OCA2: variants seen among roughly 807,000 people sequenced by gnomAD.
The protein encoded by OCA2 is OCA2 melanosomal transmembrane protein.
OCA2 carries 77 observed loss-of-function variants against 100.2 expected under a neutral mutation model. The ratio of observed to expected loss-of-function variants is 0.77; its 90% CI spans 0.64 to 0.93. The LOEUF (loss-of-function observed/expected upper bound fraction) is 0.93, where lower values mean the gene tolerates loss of function less well. Ranked by LOEUF, OCA2 falls within the 40% of genes least tolerant of loss-of-function variation. The pLI is 0.00. For missense variants in OCA2, 1,062 were observed against 1,089.1 expected (o/e 0.98, Z 0.35); for synonymous variants, 432 against 439.2 (o/e 0.98, Z 0.21).
chr15:27,888,922 C>T (rs1028463190), intron 19 of OCA2, among the ~76,000 whole-genome samples: 8 of 152,046 alleles, frequency 5.3e-5, no homozygotes, highest in African/African-American at 1.9e-4. Flanking sequence ...AGACCTGGTG[C>T]CTTCCCTCAT....
At chr15:27,925,597 T>C (rs2039014865) in intron 19 of OCA2, among the ~76,000 whole-genome samples, 1 of 152,166 alleles carries the variant, frequency 6.6e-6, no homozygotes, top group African/African-American at 2.4e-5. Context: ...GGGGGCATGG[T>C]TTGAGGAGTA....
chr15:27,814,291 T>C (rs1458698890), intron 23 of OCA2, among the ~76,000 whole-genome samples: 1 of 152,126 alleles, frequency 6.6e-6, no homozygotes, highest in Non-Finnish European at 1.5e-5. Context: ...TGAAAAATAT[T>C]GAATAAGATA....
chr15:27,971,655 C>G (rs990368907), intron 14 of OCA2, among the ~76,000 whole-genome samples: 2 of 152,130 alleles, frequency 1.3e-5, no homozygotes, highest in Non-Finnish European at 2.9e-5. Context: ...ACCTAAGCCT[C>G]GTGCAGCAAT....
At chr15:27,797,345 TTTATA>T (rs2033387859) in intron 23 of OCA2, among the ~76,000 whole-genome samples, 1 of 152,020 alleles carries the variant, frequency 6.6e-6, no homozygotes, top group Non-Finnish European at 1.5e-5. Context: ...GGGGGCTGAT[TTTATA>T]GAGCACAAAC....
intron 16 of OCA2, 143 bp from the exon 17 acceptor site, chr15:27,955,358 G>T (rs1053188962): frequency 1.4e-6 from 1 of 725,118 alleles, no homozygotes. Flanking sequence ...GGGGGCCGGT[G>T]GGGCTTCATT....
At chr15:27,900,461 T>C (rs899295216) in intron 19 of OCA2, among the ~76,000 whole-genome samples, 2 of 152,216 alleles carry the variant, frequency 1.3e-5, no homozygotes, top group African/African-American at 4.8e-5. Context: ...TCTCAGGGTG[T>C]ACTGCCTATT....
chr15:27,920,497 A>C (rs557949993), intron 19 of OCA2, among the ~76,000 whole-genome samples: 6 of 152,314 alleles, frequency 3.9e-5, no homozygotes, highest in Admixed American at 3.9e-4. Flanking sequence ...TACAAAAATT[A>C]TAAGATATGC....
intron 21 of OCA2, among the ~76,000 whole-genome samples, chr15:27,861,429 G>A (rs370417947): frequency 1.3e-5 from 2 of 152,124 alleles, no homozygotes; most frequent in Non-Finnish European, 2.9e-5. Context: ...ATGGCACTTG[G>A]AGTAAGTGTT....
At chr15:27,937,696 AT>A (rs1377626244) in intron 18 of OCA2, among the ~76,000 whole-genome samples, 21 of 152,314 alleles carry the variant, frequency 1.4e-4, no homozygotes, top group Admixed American at 1.4e-3. Context: ...ACTTTCAGTA[AT>A]TTCAATATCT....
chr15:27,983,601 A>C (rs2041243858), intron 13 of OCA2, 118 bp from the exon 14 acceptor site: 8 of 1,061,202 alleles, frequency 7.5e-6, no homozygotes, highest in Middle Eastern at 2.4e-4. Flanking sequence ...ACACACACAC[A>C]CCCCTGTGGG....
chr15:28,096,749 A>T (rs1470016753), intron 1 of OCA2, among the ~76,000 whole-genome samples: 1 of 152,064 alleles, frequency 6.6e-6, no homozygotes, highest in East Asian at 1.9e-4. Flanking sequence ...TTGAAAGAGT[A>T]CGCCTCCTTC....
rs985682505 is a variant in OCA2 at position 27,957,540 on chromosome 15, T to A, written c.1784+48A>T. 1 of 1,607,260 alleles carries A rather than the reference T, an allele frequency of 6.2e-7. No individual in the cohort carries two copies. Among genetic ancestry groups the A allele is most frequent in the African/African-American group, 1.3e-5 (1 of 74,782 alleles). On this transcript the variant is annotated intron_variant, in intron 16 of 23. Coordinates refer to ENST00000354638, the MANE Select transcript of OCA2 (RefSeq NM_000275.3). This position sits in a 1 kb window ranked among gnomAD's most constrained non-coding sequence, Gnocchi z 4.3. ...GTCGCTATTTTGTAGGCCCATGGAA[T>A]GTTCTGCTGCACACCAAGCACAGTC...
chr15:27,814,960 A>G (rs1228727808), intron 23 of OCA2, among the ~76,000 whole-genome samples: 1 of 151,868 alleles, frequency 6.6e-6, no homozygotes, highest in Non-Finnish European at 1.5e-5. Context: ...AGATATATAT[A>G]TATATATCTT....
At chr15:28,095,119 A>G (rs2044949417) in intron 1 of OCA2, among the ~76,000 whole-genome samples, 1 of 152,238 alleles carries the variant, frequency 6.6e-6, no homozygotes, top group African/African-American at 2.4e-5. Flanking sequence ...GCCCAGGTCC[A>G]GGCAGCCCCG....
rs778045887 is a variant in OCA2, at chr15:27,983,483, C to T, written c.1365G>A (p.Arg455=). The change falls in exon 14 of 24, where the codon AGG becomes AGA. Residue 455 remains arginine (R), a splice_region_variant and synonymous_variant. Coordinates refer to ENST00000354638, the MANE Select transcript of OCA2 (RefSeq NM_000275.3). ...TMLLFTPVTI[R]LCEVLNLDPR... ...GATCAAGGTTGAGCACCTCACACAA[C>T]CTGTCACAAATGGAGGAAAATGAAA... is the stretch of plus-strand genomic sequence containing the variant. 1.9e-6 allele frequency: 3 copies of T among 1,614,102 alleles called. No individual in the cohort carries two copies. Among genetic ancestry groups the T allele is most frequent in the Admixed American group, 1.7e-5 (1 of 60,004 alleles).
chr15:27,731,934 A>C, the OCA2 span, among the ~76,000 whole-genome samples: 708 of 152,326 alleles, frequency 4.6e-3, 5 homozygotes, highest in African/African-American at 0.016. Context: ...CAGTACTGCC[A>C]AGAGGCTTAA....
chr15:27,979,316 T>C (rs553429226), intron 14 of OCA2, among the ~76,000 whole-genome samples: 1 of 152,374 alleles, frequency 6.6e-6, no homozygotes, highest in East Asian at 1.9e-4. Context: ...TAAGTTTATC[T>C]GGATGTAATC....
intron 9 of OCA2, among the ~76,000 whole-genome samples, chr15:27,996,029 T>C (rs1447066945): frequency 6.6e-6 from 1 of 152,036 alleles, no homozygotes; most frequent in Non-Finnish European, 1.5e-5. Context: ...GCCAGGATGG[T>C]CTTGAACTCC....
chr15:28,081,851 GC>G lies in OCA2; in HGVS notation c.23del (p.Gly8AlafsTer94). 2 of 1,611,188 alleles carry G rather than the reference GC, an allele frequency of 1.2e-6. No homozygotes were observed. The highest frequency in any genetic ancestry group is 2.2e-5 in the South Asian group (2 of 90,974). Reference sequence around the variant, plus strand: ...CCGCCGGCGCGCCGGGGTACCGCCTGCCGTCTCTGCCCTCCAGATGCATGCT... The same window carrying G: ...CCGCCGGCGCGCCGGGGTACCGCCTGCGTCTCTGCCCTCCAGATGCATGCT... MHLEGRD[G>X]RRYPGAPAVE... On this transcript the variant is annotated frameshift_variant, in exon 2 of 24. Transcript: ENST00000354638. LOFTEE classifies it high-confidence loss of function.
Sources: gnomAD v4.1 joint callset for allele counts (sites outside exome capture counted in the v4.1 genomes callset) on GRCh38, gnomAD v4.1.1 for gene constraint, Gnocchi (gnomAD v3.1) non-coding constraint, MANE v1.5 for transcripts, NCBI Gene and HGNC (gene_info 2026-07-23, HGNC 2026-07-21) for gene names.